YJU2B: variants seen among roughly 807,000 people sequenced by gnomAD.
YJU2B encodes YJU2 splicing factor homolog B.
In YJU2B, 18 loss-of-function variants were observed where a neutral mutation model predicts 38.0. The ratio of observed to expected loss-of-function variants is 0.47; its 90% CI spans 0.33 to 0.70. YJU2B has a LOEUF of 0.70. Among genes scored for constraint, YJU2B ranks in the 30% least tolerant of loss-of-function variants. The pLI, the probability that YJU2B is intolerant of heterozygous loss-of-function variation, is 0.02. For missense variants in YJU2B, 538 were observed against 556.3 expected (o/e 0.97, Z 0.33); for synonymous variants, 246 against 225.4 (o/e 1.09, Z -0.82).
chr19:13,743,317 C>T (rs112938518), upstream of YJU2B, among the ~76,000 whole-genome samples: 7,952 of 152,304 alleles, frequency 0.052, 304 homozygotes, highest in Non-Finnish European at 0.078. Context: ...CGGTGGCTCA[C>T]GCCTGTAATC....
At chr19:13,748,882 T>G (rs1973349538) in intron 1 of YJU2B, among the ~76,000 whole-genome samples, 1 of 152,144 alleles carries the variant, frequency 6.6e-6, no homozygotes, top group Non-Finnish European at 1.5e-5. Context: ...AGGACACACT[T>G]TATAGTTGGA....
chr19:13,749,107 G>A (rs1973358057), intron 1 of YJU2B, among the ~76,000 whole-genome samples: 1 of 152,150 alleles, frequency 6.6e-6, no homozygotes, highest in Non-Finnish European at 1.5e-5. Context: ...AGATTCAAGC[G>A]ATTCTCCTGC....
In YJU2B at chr19:13,757,286, C is replaced by T. The variant is rs920889988; in HGVS notation, c.141-132C>T. 2.3e-5 allele frequency: 15 copies of T among 660,158 alleles called. No individual in the cohort carries two copies. The African/African-American group carries it at 2.5e-4, about 11-fold the overall frequency. The allele number at this position is 660,158 out of a possible 1,614,324, so 40.9% of individuals were successfully genotyped here. On this transcript the variant is annotated intron_variant, in intron 4 of 9. Coordinates refer to ENST00000221554, the MANE Select transcript of YJU2B (RefSeq NM_030818.4). ...ATCCATTTCCTGTGTAATGTGAGTG[C>T]AGCAACTCCCGTTAACAGGGCAGTC...
intron 6 of YJU2B, among the ~76,000 whole-genome samples, chr19:13,758,356 C>T (rs546469047): frequency 5.9e-5 from 9 of 152,322 alleles, no homozygotes; most frequent in African/African-American, 2.2e-4. Context: ...TTTTCCACTA[C>T]TCAGCAATTT....
chr19:13,740,696 C>A (rs1973071368), intron 2 of YJU2B, among the ~76,000 whole-genome samples: 1 of 152,064 alleles, frequency 6.6e-6, no homozygotes, highest in South Asian at 2.1e-4. Context: ...GCCACCACGC[C>A]CGGCTAATCT....
chr19:13,762,387 C>G lies in YJU2B; in HGVS notation c.662C>G (p.Thr221Arg), dbSNP rs377239448. 6.2e-7 allele frequency: 1 copy of G among 1,613,808 alleles called. No individual in the cohort carries two copies. The highest frequency in any genetic ancestry group is 1.1e-5 in the South Asian group (1 of 91,078). Residue 221 changes from threonine (T) to arginine (R), a missense_variant, in exon 9 of 10, where the codon ACG becomes AGG. Thr to Arg is a moderately conservative substitution (Grantham distance 71). Coordinates refer to ENST00000221554, the MANE Select transcript of YJU2B (RefSeq NM_030818.4). ...CTGACCATCCCGCTGGTGCCCGAGA[C>G]GGAAGATGACCGCAAGCTGGCGGCT... is the stretch of plus-strand genomic sequence containing the variant. ...ASLTIPLVPE[T>R]EDDRKLAALL... is the part of the protein sequence containing the mutation.
chr19:13,738,366 T>G (rs1009547250), intron 2 of YJU2B, among the ~76,000 whole-genome samples: 8 of 152,232 alleles, frequency 5.3e-5, no homozygotes, highest in African/African-American at 1.9e-4. Context: ...TTGATTTTCT[T>G]CTGATTCTTG....
rs938724595 is a variant in YJU2B at position 13,756,263 on chromosome 19, G to A, written c.124G>A (p.Gly42Ser). The change falls in exon 4 of 10, where the codon GGC becomes AGC. Residue 42 changes from glycine to serine, a missense_variant. By Grantham distance (56) the Gly-to-Ser change is moderately conservative. This residue lies in a region of YJU2B where 50 missense variants were observed against 86.9 expected (regional missense o/e 0.58). Transcript: ENST00000221554. Reference sequence around the variant, plus strand: ...GGAGCGGGCTCGGAAGCTGTCACAGGGCATCCTCATCATCCGGTAAGGCCC... The same window carrying A: ...GGAGCGGGCTCGGAAGCTGTCACAGAGCATCCTCATCATCCGGTAAGGCCC... ...LRERARKLSQ[G>S]ILIIRFEMPY... 2 of 1,613,954 alleles carry A rather than the reference G, an allele frequency of 1.2e-6. No homozygotes were observed. Among genetic ancestry groups the A allele is most frequent in the Non-Finnish European group, 1.7e-6 (2 of 1,179,958 alleles).
Position 13,756,239 on chromosome 19 carries a change from G to A in YJU2B, c.100G>A (p.Glu34Lys). 6.2e-7 allele frequency: 1 copy of A among 1,614,102 alleles called. No homozygotes were observed. The highest frequency in any genetic ancestry group is 8.5e-7 in the Non-Finnish European group (1 of 1,180,012). Reference protein sequence around the residue: ...NRYHNSHPLRERARKLSQGIL... With the variant: ...NRYHNSHPLRKRARKLSQGIL... ...ATACCACAACAGCCACCCGCTTCGG[G>A]AGCGGGCTCGGAAGCTGTCACAGGG... is the stretch of plus-strand genomic sequence containing the variant. The change falls in exon 4 of 10, where the codon GAG becomes AAG. Residue 34 changes from glutamate (E) to lysine (K), a missense_variant. This residue lies in a region of YJU2B where 50 missense variants were observed against 86.9 expected (regional missense o/e 0.58). Transcript: ENST00000221554.
chr19:13,754,871 G>T (rs887169063), intron 3 of YJU2B, among the ~76,000 whole-genome samples: 1 of 152,114 alleles, frequency 6.6e-6, no homozygotes. Context: ...AGGCAGAGAT[G>T]TTCATCTATC....
chr19:13,737,306 A>G (rs554200408), intron 2 of YJU2B, among the ~76,000 whole-genome samples: 2 of 152,092 alleles, frequency 1.3e-5, no homozygotes, highest in Admixed American at 6.6e-5. Flanking sequence ...GATTACAGGC[A>G]TGATCCACTG....
intron 2 of YJU2B, among the ~76,000 whole-genome samples, chr19:13,753,499 G>T (rs1016471499): frequency 6.6e-6 from 1 of 150,872 alleles, no homozygotes; most frequent in Non-Finnish European, 1.5e-5. Flanking sequence ...GCTTGAATCC[G>T]GGAGGCGGAG....
At chr19:13,744,925 G>A (rs1030481540), upstream of YJU2B, among the ~76,000 whole-genome samples, 7 of 151,782 alleles carry the variant, frequency 4.6e-5, no homozygotes, top group East Asian at 1.2e-3. Context: ...CCCGGGAGGC[G>A]GAGCCTGCAG....
intron 2 of YJU2B, among the ~76,000 whole-genome samples, chr19:13,736,297 C>T (rs1459915557): frequency 3.2e-5 from 4 of 123,872 alleles, no homozygotes; most frequent in East Asian, 4.8e-4. Context: ...TTGACTCTGT[C>T]GCTCAGGCTG....
intron 2 of YJU2B, among the ~76,000 whole-genome samples, chr19:13,740,666 A>G (rs1973070407): frequency 6.6e-6 from 1 of 152,120 alleles, no homozygotes; most frequent in South Asian, 2.1e-4. Context: ...CCTCCCGAAT[A>G]GCTGGGATTA....
At chr19:13,755,676 C>T (rs1390336407) in intron 3 of YJU2B, among the ~76,000 whole-genome samples, 1 of 151,756 alleles carries the variant, frequency 6.6e-6, no homozygotes, top group African/African-American at 2.4e-5. Context: ...GGGAACAGGG[C>T]TGGGCGCAGT....
In YJU2B at chr19:13,759,170, C is replaced by T; in HGVS notation, c.471C>T (p.Ser157=). 6.2e-7 allele frequency: 1 copy of T among 1,613,552 alleles called. No homozygotes were observed. The highest frequency in any genetic ancestry group is 1.1e-5 in the South Asian group (1 of 91,028). The part of the protein sequence containing the change: ...FRLEHGEADR[S]TLKKALPTLS... ...TGGAGCATGGCGAGGCCGACCGCAG[C>T]ACACTCAAGAAGGCGCTGCCCACAC... The change falls in exon 8 of 10, where the codon AGC becomes AGT. Residue 157 remains serine, a synonymous_variant. Transcript: ENST00000221554.
At chr19:13,736,511 C>A (rs1018144270) in intron 2 of YJU2B, among the ~76,000 whole-genome samples, 1 of 151,608 alleles carries the variant, frequency 6.6e-6, no homozygotes, top group African/African-American at 2.4e-5. Flanking sequence ...CCACCTGCCT[C>A]GGCCTCCCAA....
chr19:13,762,347 C>T lies in YJU2B; in HGVS notation c.622C>T (p.Gln208Ter). The change falls in exon 9 of 10, where the codon CAG (glutamine) becomes TAG (stop). Residue 208 changes from glutamine (Q) to a stop codon, truncating the protein, a stop_gained. Transcript: ENST00000221554. LOFTEE classifies it high-confidence loss of function. Reference sequence around the variant, plus strand: ...GGAGGAGGAGAGAGACCAGGCCTTGCAGGCCAAGGCGAGCCTGACCATCCC... The same window carrying T: ...GGAGGAGGAGAGAGACCAGGCCTTGTAGGCCAAGGCGAGCCTGACCATCCC... ...QEEEERDQAL[Q>*]AKASLTIPLV... 6.2e-7 allele frequency: 1 copy of T among 1,613,958 alleles called. No individual in the cohort carries two copies. The highest frequency in any genetic ancestry group is 8.5e-7 in the Non-Finnish European group (1 of 1,180,004).
Sources: allele counts gnomAD v4.1 joint callset (sites outside exome capture counted in the v4.1 genomes callset), GRCh38; gene constraint gnomAD v4.1.1; regional missense constraint gnomAD v4.1.1; transcripts MANE v1.5; gene names NCBI Gene and HGNC (gene_info 2026-07-23, HGNC 2026-07-21).